Variants in SIPA1L3 observed in about 807,000 individuals in gnomAD.
SIPA1L3 encodes the protein signal induced proliferation associated 1 like 3, also known as signal-induced proliferation-associated 1-like protein 3.
SIPA1L3 carries 59 observed loss-of-function variants against 150.1 expected under a neutral mutation model. The ratio of observed to expected loss-of-function variants is 0.39; its 90% CI spans 0.32 to 0.49. The LOEUF (loss-of-function observed/expected upper bound fraction) is 0.49. Ranked by LOEUF, SIPA1L3 falls within the 20% of genes least tolerant of loss-of-function variation. The probability of loss-of-function intolerance (pLI) is 0.86; values close to 1 mark genes in which losing one functional copy is unlikely to be tolerated. For synonymous variants in SIPA1L3, 1,070 were observed against 1,077.6 expected, an observed-to-expected ratio of 0.99 and a Z score of 0.14; for missense variants, 2,211 against 2,489.5, an observed-to-expected ratio of 0.89 and a Z score of 2.38.
chr19:38,043,834 G>A (rs927513263), intron 2 of SIPA1L3, among the ~76,000 whole-genome samples: 7 of 152,176 alleles, frequency 4.6e-5, no homozygotes, highest in African/African-American at 1.7e-4. Flanking sequence ...CAGGAGGTCT[G>A]CTAGGGACTG....
intron 1 of SIPA1L3, among the ~76,000 whole-genome samples, chr19:37,968,985 A>G (rs1487611806): frequency 6.6e-6 from 1 of 152,208 alleles, no homozygotes; most frequent in Non-Finnish European, 1.5e-5. Flanking sequence ...TTGCAAATGA[A>G]AATAGTGTTC....
intron 12 of SIPA1L3, among the ~76,000 whole-genome samples, chr19:38,144,585 C>T (rs919263064): frequency 3.3e-5 from 5 of 152,226 alleles, no homozygotes; most frequent in Non-Finnish European, 7.3e-5. Context: ...CCACAGTCAT[C>T]CATTGTTAGA....
intron 7 of SIPA1L3, 51 bp downstream of exon 7, chr19:38,106,691 A>G (rs1970631593): frequency 8.0e-7 from 1 of 1,256,700 alleles, no homozygotes; most frequent in Non-Finnish European, 1.2e-6. Context: ...CTGCCCACCC[A>G]CCAGCATTGG....
intron 2 of SIPA1L3, among the ~76,000 whole-genome samples, chr19:38,032,212 A>T (rs1040445650): frequency 2.6e-5 from 4 of 152,146 alleles, no homozygotes; most frequent in African/African-American, 9.7e-5. Context: ...TTACTAATTT[A>T]TATCCTATGG....
At chr19:38,198,352 A>G (rs766332425) in intron 18 of SIPA1L3, 37 bp from the exon 19 acceptor site, 35 of 1,474,738 alleles carry the variant, frequency 2.4e-5, no homozygotes, top group Non-Finnish European at 3.1e-5. Flanking sequence ...CCGCATTGTC[A>G]CACTCAACCA....
intron 1 of SIPA1L3, among the ~76,000 whole-genome samples, chr19:37,927,683 G>A (rs4802151): frequency 0.35 from 50,691 of 145,536 alleles, 10,441 homozygotes; most frequent in East Asian, 0.69. Flanking sequence ...GTGTGTGTGT[G>A]TGTGTGTGTA....
intron 1 of SIPA1L3, among the ~76,000 whole-genome samples, chr19:37,989,008 C>T (rs1568490937): frequency 6.6e-6 from 1 of 152,204 alleles, no homozygotes; most frequent in Non-Finnish European, 1.5e-5. Context: ...ACAGATTCCT[C>T]TCCCCTTCTC....
intron 2 of SIPA1L3, among the ~76,000 whole-genome samples, chr19:38,034,505 C>T (rs2145727164): frequency 6.8e-6 from 1 of 148,138 alleles, no homozygotes; most frequent in East Asian, 2.1e-4. Flanking sequence ...ACTTTGTTGC[C>T]TCATAAGAGG....
intron 1 of SIPA1L3, among the ~76,000 whole-genome samples, chr19:37,969,479 G>A (rs2046934451): frequency 6.7e-6 from 1 of 150,248 alleles, no homozygotes; most frequent in Non-Finnish European, 1.5e-5. Flanking sequence ...TTCAACCCGG[G>A]AGGTGGAGGT....
chr19:38,163,100 C>T (rs1486434078), intron 14 of SIPA1L3, among the ~76,000 whole-genome samples: 1 of 152,136 alleles, frequency 6.6e-6, no homozygotes, highest in Non-Finnish European at 1.5e-5. Context: ...GCATTGGGAC[C>T]ATGATGATGA....
intron 2 of SIPA1L3, among the ~76,000 whole-genome samples, chr19:38,034,248 A>G (rs1968725954): frequency 6.6e-6 from 1 of 152,210 alleles, no homozygotes; most frequent in East Asian, 1.9e-4. Context: ...GCCTGGTTTC[A>G]TGGGGAAGGA....
chr19:38,095,958 A>C (rs1407624612), intron 4 of SIPA1L3, among the ~76,000 whole-genome samples: 2 of 152,214 alleles, frequency 1.3e-5, no homozygotes, highest in Non-Finnish European at 2.9e-5. Flanking sequence ...ACTGAAACCC[A>C]CAACCCCAGG....
intron 1 of SIPA1L3, among the ~76,000 whole-genome samples, chr19:37,927,971 C>G (rs10404159): frequency 6.6e-6 from 1 of 151,828 alleles, no homozygotes; most frequent in Non-Finnish European, 1.5e-5. Context: ...GGTTGATTCC[C>G]TGGCTTTGTG....
chr19:38,088,832 T>C lies in SIPA1L3; in HGVS notation c.1646T>C (p.Ile549Thr). Residue 549 changes from isoleucine to threonine, a missense_variant, in exon 4 of 22, where the codon ATC becomes ACC. This residue lies in a region of SIPA1L3 where 625 missense variants were observed against 804.2 expected (regional missense o/e 0.78). Coordinates refer to ENST00000222345, the MANE Select transcript of SIPA1L3 (RefSeq NM_015073.3). ...CACGGACCTCAGTACCAGTACAGGATCATCTTCCGGACCCGCGAGGTAGGT... is the reference window on the plus strand; with the variant it reads ...CACGGACCTCAGTACCAGTACAGGACCATCTTCCGGACCCGCGAGGTAGGT... The part of the protein sequence containing the change: ...KEHGPQYQYR[I>T]IFRTRELITL... The C allele has an allele frequency of 6.2e-7, 1 of 1,614,012 alleles. No homozygotes were observed. Among genetic ancestry groups the C allele is most frequent in the Non-Finnish European group, 8.5e-7 (1 of 1,179,938 alleles).
intron 6 of SIPA1L3, chr19:38,106,272 A>C: frequency 2.9e-6 from 1 of 341,510 alleles, no homozygotes; most frequent in Non-Finnish European, 5.5e-6. Context: ...AGGCCTGGCT[A>C]ATTTTTGTGC....
rs1973213496 is a variant in SIPA1L3, at chr19:38,206,353, C to T, written c.*113C>T. The T allele has an allele frequency of 7.8e-7, 1 of 1,285,662 alleles. No homozygotes were observed. The highest frequency in any genetic ancestry group is 1.5e-5 in the African/African-American group (1 of 66,438). The allele number at this position is 1,285,662 out of a possible 1,614,324, so 79.6% of individuals were successfully genotyped here. ...TGTGACCAAGATGACCCATCCAGGGCCCTCCCCATGGACACGGAAACTCCG... is the reference window on the plus strand; with the variant it reads ...TGTGACCAAGATGACCCATCCAGGGTCCTCCCCATGGACACGGAAACTCCG... On this transcript the variant is annotated 3_prime_UTR_variant, in exon 22 of 22. Transcript: ENST00000222345.
At chr19:38,064,614 G>T (rs1312841581) in intron 2 of SIPA1L3, among the ~76,000 whole-genome samples, 3 of 152,124 alleles carry the variant, frequency 2.0e-5, no homozygotes, top group Non-Finnish European at 4.4e-5. Flanking sequence ...CAGGAGAATT[G>T]CTTGAACCTG....
intron 10 of SIPA1L3, 57 bp from the exon 11 acceptor site, chr19:38,141,127 C>T (rs1330228646): frequency 8.0e-6 from 12 of 1,499,806 alleles, no homozygotes; most frequent in South Asian, 2.7e-5. Context: ...GCCTAGACAG[C>T]AGGCCCACGT....
intron 1 of SIPA1L3, among the ~76,000 whole-genome samples, chr19:38,008,610 A>C (rs925800284): frequency 2.0e-5 from 3 of 151,858 alleles, no homozygotes; most frequent in African/African-American, 7.3e-5. Context: ...AGACAGAAGT[A>C]CAATGATGGG....
Sources: gnomAD v4.1 joint callset for allele counts (sites outside exome capture counted in the v4.1 genomes callset) on GRCh38, gnomAD v4.1.1 for gene constraint, gnomAD v4.1.1 regional missense constraint, MANE v1.5 for transcripts, NCBI Gene and HGNC (gene_info 2026-07-23, HGNC 2026-07-21) for gene names.